Variants in HEG1 observed in about 807,000 individuals in gnomAD.
HEG1 encodes the protein heart development protein with EGF like domains 1.
Under a neutral mutation model 125.6 loss-of-function variants are expected in HEG1, and 56 were observed. The observed-to-expected ratio is 0.45, with a 90% CI of 0.36 to 0.56. The LOEUF is 0.56. Ranked by LOEUF, HEG1 falls within the 20% of genes least tolerant of loss-of-function variation. The probability of loss-of-function intolerance (pLI) is 0.00; values close to 1 mark genes in which losing one functional copy is unlikely to be tolerated. For missense variants in HEG1, 1,523 were observed against 1,670.0 expected (o/e 0.91, Z 1.53); for synonymous variants, 644 against 668.5 (o/e 0.96, Z 0.57).
chr3:124,997,952 C>T lies in HEG1; in HGVS notation c.3518-129G>A, dbSNP rs908510355. On this transcript the variant is annotated intron_variant, in intron 11 of 16. Transcript: ENST00000311127. ...TTTCAAGAGGCTGAGAACAGTTTTC[C>T]GAAAAGTCTCCACAGAGCAACACTC... 32 of 1,067,986 alleles carry T rather than the reference C, an allele frequency of 3.0e-5. No individual in the cohort carries two copies. The Middle Eastern group carries it at 6.3e-4, about 21-fold the overall frequency. The allele number at this position is 1,067,986 out of a possible 1,614,324, so 66.2% of individuals were successfully genotyped here.
intron 14 of HEG1, among the ~76,000 whole-genome samples, chr3:124,978,862 C>T (rs1254964425): frequency 4.8e-5 from 7 of 147,216 alleles, no homozygotes; most frequent in African/African-American, 1.8e-4. Flanking sequence ...ATGGAGATAA[C>T]GCAGAATCTT....
chr3:124,995,882 T>C (rs1322333306), intron 12 of HEG1, among the ~76,000 whole-genome samples: 2 of 152,194 alleles, frequency 1.3e-5, no homozygotes, highest in Admixed American at 1.3e-4. Context: ...ACAAAATTGC[T>C]GACTTGGAAA....
chr3:125,020,782 G>T lies in HEG1; in HGVS notation c.1252+10C>A. The T allele has an allele frequency of 6.3e-7, 1 of 1,599,122 alleles. No individual in the cohort carries two copies. The highest frequency in any genetic ancestry group is 8.6e-7 in the Non-Finnish European group (1 of 1,168,832). ...GTCCCTAATAGATCAAGTAAAGATG[G>T]AATACTTACTTGGGGAATCATTTTG... On this transcript the variant is annotated intron_variant, in intron 4 of 16. Transcript: ENST00000311127.
At chr3:124,985,509 C>A (rs1028068363) in intron 14 of HEG1, among the ~76,000 whole-genome samples, 1 of 152,132 alleles carries the variant, frequency 6.6e-6, no homozygotes, top group African/African-American at 2.4e-5. Flanking sequence ...GAAATGTGCA[C>A]GCCCTAAGAA....
intron 16 of HEG1, among the ~76,000 whole-genome samples, chr3:124,973,200 G>C (rs1300292540): frequency 1.3e-5 from 2 of 151,716 alleles, no homozygotes; most frequent in African/African-American, 4.8e-5. Flanking sequence ...TTTTTGTAGA[G>C]AGGAGCACGG....
In HEG1 at chr3:125,020,967, G is replaced by A; in HGVS notation, c.1077C>T (p.Phe359=). ...TCGTGGCAATTCTGGAGTCCTTGGGGAAGCCTTCTGTCTTGCTCACAGGTC... is the reference window on the plus strand; with the variant it reads ...TCGTGGCAATTCTGGAGTCCTTGGGAAAGCCTTCTGTCTTGCTCACAGGTC... ...SLGPVSKTEG[F]PKDSRIATTS... The change falls in exon 4 of 17, where the codon TTC becomes TTT. Residue 359 remains phenylalanine, a synonymous_variant. Coordinates refer to ENST00000311127, the MANE Select transcript of HEG1 (RefSeq NM_020733.2). 6.2e-7 allele frequency: 1 copy of A among 1,613,946 alleles called. No individual in the cohort carries two copies. The highest frequency in any genetic ancestry group is 8.5e-7 in the Non-Finnish European group (1 of 1,179,892).
At position 125,027,639 on chromosome 3, in the gene HEG1, T is replaced by G. The variant is rs1937437795; in HGVS notation, c.611-132A>C. On this transcript the variant is annotated intron_variant, in intron 2 of 16. Transcript: ENST00000311127. ...AAGAAATTAGGAGAATAATTCAGTC[T>G]ATGAAAAATAAACTCCTGAAAGAGA... The G allele has an allele frequency of 3.9e-6, 3 of 767,216 alleles. No homozygotes were observed. The South Asian group carries it at 6.0e-5, about 15-fold the overall frequency. The allele number at this position is 767,216 out of a possible 1,614,324, so 47.5% of individuals were successfully genotyped here.
chr3:125,055,454 C>A lies in HEG1; in HGVS notation c.316+121G>T, dbSNP rs1477812951. The A allele has an allele frequency of 4.9e-6, 3 of 613,446 alleles. No individual in the cohort carries two copies. The Admixed American group carries it at 1.5e-4, about 31-fold the overall frequency. 38.0% of individuals were successfully genotyped at this position (613,446 alleles called of 1,614,324 possible). ...CCCTCAGGGTCCCGCACACGCCGGG[C>A]GAGGAGCCCCCACCCTGGGTCGCGC... On this transcript the variant is annotated intron_variant, in intron 1 of 16. Coordinates refer to ENST00000311127, the MANE Select transcript of HEG1 (RefSeq NM_020733.2).
In HEG1 at chr3:125,019,333, C is replaced by T. The variant is rs1407518162; in HGVS notation, c.1517G>A (p.Ser506Asn). 3 of 1,613,862 alleles carry T rather than the reference C, an allele frequency of 1.9e-6. No individual in the cohort carries two copies. The highest frequency in any genetic ancestry group is 2.7e-5 in the African/African-American group (2 of 74,930). ...AGATGTAGATGAAGACTCTGAATAA[C>T]TCCTATCTCCCAATGCTGTGTGACT... ...GGSHTALGDRSYSESSSTSSS... is the reference protein window; with the variant it reads ...GGSHTALGDRNYSESSSTSSS... Residue 506 changes from serine to asparagine, a missense_variant, in exon 5 of 17, where the codon AGT becomes AAT. By Grantham distance (46) the Ser-to-Asn change is conservative (BLOSUM62 1). Coordinates refer to ENST00000311127, the MANE Select transcript of HEG1 (RefSeq NM_020733.2).
At chr3:124,986,377 G>A (rs1317807314) in intron 14 of HEG1, among the ~76,000 whole-genome samples, 1 of 152,094 alleles carries the variant, frequency 6.6e-6, no homozygotes, top group African/African-American at 2.4e-5. Flanking sequence ...TAATAGCGGT[G>A]GGCAGTCAGA....
intron 12 of HEG1, among the ~76,000 whole-genome samples, chr3:124,992,515 A>C (rs1402997889): frequency 6.6e-6 from 1 of 152,186 alleles, no homozygotes; most frequent in Non-Finnish European, 1.5e-5. Context: ...TACAGAGTGT[A>C]GAGCTGCAAT....
At chr3:125,052,249 G>A (rs1273385014) in intron 1 of HEG1, among the ~76,000 whole-genome samples, 1 of 151,830 alleles carries the variant, frequency 6.6e-6, no homozygotes, top group African/African-American at 2.4e-5. Flanking sequence ...GCCTTCTGGA[G>A]GGAAGCCACT....
rs112910137 is a variant in HEG1, at chr3:125,027,581, A to G, written c.611-74T>C. 80 of 1,199,828 alleles carry G rather than the reference A, an allele frequency of 6.7e-5. No homozygotes were observed. The African/African-American group carries it at 8.9e-4, about 13-fold the overall frequency. The allele number at this position is 1,199,828 out of a possible 1,614,324, so 74.3% of individuals were successfully genotyped here. A position where few individuals can be genotyped will look rare whatever the true frequency, so the allele number is the denominator to read the frequency against. ...GTCTTAATATGCTTTTAGGGGGCTC[A>G]GTTCTGACATCTACAAAATATACAG... is the stretch of plus-strand genomic sequence containing the variant. On this transcript the variant is annotated intron_variant, in intron 2 of 16. Coordinates refer to ENST00000311127, the MANE Select transcript of HEG1 (RefSeq NM_020733.2).
rs138337392 is a variant in HEG1 at position 125,028,029 on chromosome 3, C to T, written c.611-522G>A. On this transcript the variant is annotated intron_variant, in intron 2 of 16. Coordinates refer to ENST00000311127, the MANE Select transcript of HEG1 (RefSeq NM_020733.2). ...CCTGAAACCATGGAGTCATCTCTGA[C>T]GGCTTCATCCTTTACTTTCAGGCCA... 2.3e-3 allele frequency among the ~76,000 whole-genome samples: 350 copies of T among 151,532 alleles called. 1 individual carries two copies. The highest frequency in any genetic ancestry group is 7.6e-3 in the African/African-American group (317 of 41,510).
intron 3 of HEG1, 63 bp from the exon 4 acceptor site, chr3:125,021,193 C>A (rs1304328598): frequency 2.4e-6 from 3 of 1,257,606 alleles, no homozygotes; most frequent in Non-Finnish European, 3.3e-6. Context: ...GGACTATATT[C>A]GAGATACAAA....
rs1936389662 is a variant in HEG1 at position 124,969,559 on chromosome 3, G to A, written c.*1093C>T. ...ATTCTGGGTACAAAGTGCTGCAGTA[G>A]CCGGTGAGCAAACTCATGTGTGGCT... On this transcript the variant is annotated 3_prime_UTR_variant, in exon 17 of 17. Transcript: ENST00000311127. The A allele has an allele frequency of 6.6e-6, 1 of 152,262 alleles. No homozygotes were observed. The highest frequency in any genetic ancestry group is 2.4e-5 in the African/African-American group (1 of 41,470). 9.4% of individuals were successfully genotyped at this position (152,262 alleles called of 1,614,324 possible).
intron 1 of HEG1, among the ~76,000 whole-genome samples, chr3:125,047,372 C>T (rs1937689150): frequency 6.6e-6 from 1 of 152,238 alleles, no homozygotes; most frequent in South Asian, 2.1e-4. Flanking sequence ...ATCTGCACCT[C>T]TCCATTCTGC....
intron 5 of HEG1, 62 bp downstream of exon 5, chr3:125,019,200 A>G (rs1362973795): frequency 1.4e-6 from 2 of 1,387,752 alleles, no homozygotes; most frequent in Non-Finnish European, 2.0e-6. Flanking sequence ...CACAGATTTC[A>G]TAAGCATCAT....
At position 125,032,269 on chromosome 3, in the gene HEG1, G is replaced by T. The variant is rs567700140; in HGVS notation, c.317-2781C>A. 2.6e-4 allele frequency among the ~76,000 whole-genome samples: 39 copies of T among 152,302 alleles called. No individual in the cohort carries two copies. The Middle Eastern group carries it at 0.01, about 40-fold the overall frequency. The stretch of plus-strand genomic sequence containing the variant: ...TAGAAGCAGTGGCTCACTTATTTGG[G>T]GTTAGGGGGTGAAGATTATAAAAAA... On this transcript the variant is annotated intron_variant, in intron 1 of 16. Transcript: ENST00000311127.
Sources: allele counts gnomAD v4.1 joint callset (sites outside exome capture counted in the v4.1 genomes callset), GRCh38; gene constraint gnomAD v4.1.1; transcripts MANE v1.5; gene names NCBI Gene and HGNC (gene_info 2026-07-23, HGNC 2026-07-21).